The following SPEF2 variants were observed in gnomAD, a reference collection of about 807,000 sequenced individuals.
The protein encoded by SPEF2 is sperm flagellar and cilia associated 2.
A neutral mutation model predicts 224.6 loss-of-function variants in SPEF2; 187 were observed. That is an observed-to-expected ratio of 0.83 (90% CI 0.74 to 0.94). The LOEUF is 0.94. Among genes scored for constraint, SPEF2 ranks in the 40% least tolerant of loss-of-function variants. The pLI, the probability that SPEF2 is intolerant of heterozygous loss-of-function variation, is 0.00. For missense variants in SPEF2, 2,170 were observed against 2,135.6 expected, an observed-to-expected ratio of 1.02 and a Z score of -0.32; for synonymous variants, 715 against 707.3, an observed-to-expected ratio of 1.01 and a Z score of -0.17.
At position 35,740,142 on chromosome 5, in the gene SPEF2, G is replaced by A. The variant is rs769135387; in HGVS notation, c.3205G>A (p.Glu1069Lys). ...TAATGTCTACAGAACAAGTTTCCAG[G>A]AGTTTCTAAAGCGTCCGGATCACAA... ...YLYEIRTSFQ[E>K]FLKRPDHKQD... The change falls in exon 23 of 37, where the codon GAG (glutamate) becomes AAG (lysine). Residue 1069 changes from glutamate (E) to lysine (K), a missense_variant. Glu to Lys is a moderately conservative substitution (Grantham distance 56, BLOSUM62 1). Coordinates refer to ENST00000356031, the MANE Select transcript of SPEF2 (RefSeq NM_024867.4). 3.1e-6 allele frequency: 5 copies of A among 1,613,924 alleles called. No homozygotes were observed. In the African/African-American group the frequency reaches 6.7e-5, roughly 22 times the overall value.
At chr5:35,671,623 C>A in intron 10 of SPEF2, 1 of 660,576 alleles carries the variant, frequency 1.5e-6, no homozygotes, top group Non-Finnish European at 1.9e-6. Context: ...TGCTAAACAG[C>A]TCAATCTCTA....
chr5:35,754,296 A>G (rs1750126731), intron 24 of SPEF2, among the ~76,000 whole-genome samples: 1 of 152,224 alleles, frequency 6.6e-6, no homozygotes, highest in Non-Finnish European at 1.5e-5. Context: ...ACAGGTGCTG[A>G]TTTTATTCGA....
At chr5:35,722,494 A>G (rs1160629076) in intron 20 of SPEF2, among the ~76,000 whole-genome samples, 1 of 140,052 alleles carries the variant, frequency 7.1e-6, no homozygotes, top group African/African-American at 2.7e-5. Flanking sequence ...TTTTTCTTTT[A>G]TTATTATACT....
At chr5:35,695,263 T>TG (rs199764253) in intron 13 of SPEF2, among the ~76,000 whole-genome samples, 139 of 132,868 alleles carry the variant, frequency 1.0e-3, no homozygotes, top group South Asian at 1.8e-3. Flanking sequence ...TTAAAACTTC[T>TG]GGTTTTTTTT....
At chr5:35,788,074 T>C in intron 30 of SPEF2, 1 of 702,618 alleles carries the variant, frequency 1.4e-6, no homozygotes, top group Non-Finnish European at 2.6e-6. Flanking sequence ...GTCAAGTGAA[T>C]TTTTTTTATG....
At position 35,766,499 on chromosome 5, in the gene SPEF2, G is replaced by A. The variant is rs185613373; in HGVS notation, c.3801+2797G>A. 3.7e-3 allele frequency among the ~76,000 whole-genome samples: 557 copies of A among 152,036 alleles called. 16 individuals are homozygous for A. Among genetic ancestry groups the A allele is most frequent in the Admixed American group, 0.035 (530 of 15,256 alleles). On this transcript the variant is annotated intron_variant, in intron 26 of 36. Transcript: ENST00000356031. ...TTAATACTTGCAGTGTCTATGTGAC[G>A]TCCACTTTGTCACTTCTGATGTTTA...
intron 2 of SPEF2, among the ~76,000 whole-genome samples, chr5:35,638,102 A>G (rs941009622): frequency 1.3e-5 from 2 of 152,146 alleles, no homozygotes; most frequent in African/African-American, 4.8e-5. Flanking sequence ...GGTTAGGGGT[A>G]TTAGGTTATT....
intron 29 of SPEF2, among the ~76,000 whole-genome samples, chr5:35,778,282 AT>A (rs1753873083): frequency 6.6e-6 from 1 of 152,234 alleles, no homozygotes; most frequent in South Asian, 2.1e-4. Flanking sequence ...CTTTAAAATA[AT>A]TTTTAAAAGG....
rs142215744 is a variant in SPEF2 at position 35,684,349 on chromosome 5, G to A, written c.1525-6688G>A. On this transcript the variant is annotated intron_variant, in intron 10 of 36. Coordinates refer to ENST00000356031, the MANE Select transcript of SPEF2 (RefSeq NM_024867.4). ...GAACTTCATAGGCTTTATTTTGACA[G>A]TGATTCTGCTCAGTGTGTTCCACCA... Among the ~76,000 whole-genome samples the A allele has an allele frequency of 1.4e-4, 21 of 152,278 alleles. No homozygotes were observed. In the East Asian group the frequency reaches 4.1e-3, roughly 29 times the overall value.
At chr5:35,662,208 G>A (rs1749844045) in intron 8 of SPEF2, among the ~76,000 whole-genome samples, 1 of 151,908 alleles carries the variant, frequency 6.6e-6, no homozygotes. Context: ...ACGTTTGTTA[G>A]CCATTTGTAT....
chr5:35,751,068 T>TATATATATAC lies in SPEF2; in HGVS notation c.3331-2547_3331-2546insCATATATATA, dbSNP rs1491319192. The stretch of plus-strand genomic sequence containing the variant: ...GTATATATATATACGTATATATATG[T>TATATATATAC]ATATATATATACACACACACACACA... On this transcript the variant is annotated intron_variant, in intron 23 of 36. Coordinates refer to ENST00000356031, the MANE Select transcript of SPEF2 (RefSeq NM_024867.4). 1.3e-3 allele frequency among the ~76,000 whole-genome samples: 53 copies of TATATATATAC among 39,698 alleles called. 3 individuals carry two copies. The highest frequency in any genetic ancestry group is 4.5e-3 in the African/African-American group (51 of 11,460). The allele number at this position is 39,698 out of a possible 152,430, so 26.0% of individuals were successfully genotyped here.
At chr5:35,680,495 A>G (rs1348272759) in intron 10 of SPEF2, among the ~76,000 whole-genome samples, 1 of 152,152 alleles carries the variant, frequency 6.6e-6, no homozygotes, top group Non-Finnish European at 1.5e-5. Flanking sequence ...TATTGAGCCT[A>G]TAGTATTGAT....
chr5:35,754,803 G>C (rs1241598085), intron 24 of SPEF2, among the ~76,000 whole-genome samples: 1 of 152,206 alleles, frequency 6.6e-6, no homozygotes, highest in Non-Finnish European at 1.5e-5. Flanking sequence ...AATGAAGATA[G>C]AGAATGGAAA....
At chr5:35,795,877 C>T in intron 33 of SPEF2, 82 bp downstream of exon 33, 4 of 1,191,364 alleles carry the variant, frequency 3.4e-6, no homozygotes, top group Non-Finnish European at 4.9e-6. Context: ...TGTAACTTGG[C>T]TGTGGACTGC....
intron 34 of SPEF2, among the ~76,000 whole-genome samples, chr5:35,802,243 C>T (rs1757521924): frequency 1.3e-5 from 2 of 152,148 alleles, no homozygotes; most frequent in South Asian, 4.2e-4. Context: ...TTATCCAAGG[C>T]CTACAACAAT....
rs1561402001 is a variant in SPEF2 at position 35,814,541 on chromosome 5, G to A, written c.5457G>A (p.Glu1819=). The A allele has an allele frequency of 5.0e-6, 8 of 1,602,026 alleles. No individual in the cohort carries two copies. The highest frequency in any genetic ancestry group is 6.8e-6 in the Non-Finnish European group (8 of 1,173,212). ...DGERSPSRHT[E]EKK ...AGAGATCACCTTCAAGACATACAGA[G>A]GAAAAGAAATGAAGACAAAAGAGTG... Residue 1819 remains glutamate (E), a synonymous_variant, in exon 37 of 37, where the codon GAG becomes GAA. Transcript: ENST00000356031.
chr5:35,640,161 T>G (rs1746410949), intron 2 of SPEF2, among the ~76,000 whole-genome samples: 1 of 152,178 alleles, frequency 6.6e-6, no homozygotes, highest in African/African-American at 2.4e-5. Flanking sequence ...TCTCTCTTTT[T>G]CTTGAGTGCA....
chr5:35,755,900 A>G, intron 24 of SPEF2, among the ~76,000 whole-genome samples: 1 of 152,032 alleles, frequency 6.6e-6, no homozygotes, highest in Non-Finnish European at 1.5e-5. Context: ...GTGAGCCACC[A>G]CACCCAGCCT....
chr5:35,620,122 G>A (rs1269815153), intron 1 of SPEF2, among the ~76,000 whole-genome samples: 2 of 152,152 alleles, frequency 1.3e-5, no homozygotes, highest in African/African-American at 4.8e-5. Flanking sequence ...AGGTCTTTGG[G>A]AACACACTTA....
Sources: gnomAD v4.1 joint callset for allele counts (sites outside exome capture counted in the v4.1 genomes callset) on GRCh38, gnomAD v4.1.1 for gene constraint, MANE v1.5 for transcripts, NCBI Gene and HGNC (gene_info 2026-07-23, HGNC 2026-07-21) for gene names.